TMEM132D: variants seen among roughly 807,000 people sequenced by gnomAD.
TMEM132D encodes the protein mature OL transmembrane protein.
TMEM132D carries 21 observed loss-of-function variants against 62.3 expected under a neutral mutation model. The ratio of observed to expected loss-of-function variants is 0.34; its 90% CI spans 0.24 to 0.49. The LOEUF (loss-of-function observed/expected upper bound fraction) is 0.49. Ranked by LOEUF, TMEM132D falls within the 20% of genes least tolerant of loss-of-function variation. TMEM132D has a pLI of 0.99. For missense variants in TMEM132D, 1,346 were observed against 1,402.8 expected (o/e 0.96, Z 0.65); for synonymous variants, 621 against 575.6 (o/e 1.08, Z -1.13).
chr12:129,792,020 G>A (rs1224521625), intron 1 of TMEM132D, among the ~76,000 whole-genome samples: 1 of 152,130 alleles, frequency 6.6e-6, no homozygotes, highest in Non-Finnish European at 1.5e-5. Context: ...GTTGTGAGGG[G>A]GCAAAGCTTT....
intron 2 of TMEM132D, among the ~76,000 whole-genome samples, chr12:129,626,087 T>TG (rs145936268): frequency 0.034 from 5,093 of 150,188 alleles, 283 homozygotes; most frequent in African/African-American, 0.12. Flanking sequence ...GGTGTTGAGC[T>TG]GGGAAAAAAA....
chr12:129,342,090 G>A (rs1869509059), intron 3 of TMEM132D, among the ~76,000 whole-genome samples: 1 of 152,082 alleles, frequency 6.6e-6, no homozygotes, highest in East Asian at 1.9e-4. Flanking sequence ...AAGTTCATAT[G>A]GAACCAAAAA....
chr12:129,432,848 G>A (rs562802313), intron 3 of TMEM132D, among the ~76,000 whole-genome samples: 1 of 152,144 alleles, frequency 6.6e-6, no homozygotes, highest in Non-Finnish European at 1.5e-5. Context: ...GTCAGTGCAA[G>A]GTGAACAATG....
Position 129,297,772 on chromosome 12 carries a change from C to T in TMEM132D, c.1299+39862G>A, listed in dbSNP as rs143779545. ...CGACCTCATCGCCCTGGTGCTTTAA[C>T]AAAGGTTGATTTCCTCGTCAGGCTG... On this transcript the variant is annotated intron_variant, in intron 4 of 8. Transcript: ENST00000422113. Among the ~76,000 whole-genome samples the T allele has an allele frequency of 3.9e-4, 59 of 152,268 alleles. No individual in the cohort carries two copies. In the East Asian group the frequency reaches 7.4e-3, roughly 19 times the overall value.
chr12:129,700,105 C>A lies in TMEM132D; in HGVS notation c.673G>T (p.Glu225Ter), dbSNP rs2137226084. Reference sequence around the variant, plus strand: ...CCTGGGTGCACGGTGTAGTAGAGCTCCACGGGGGTCCCCTCCGGCTGGTCC... The same window carrying A: ...CCTGGGTGCACGGTGTAGTAGAGCTACACGGGGGTCCCCTCCGGCTGGTCC... ...SVDQPEGTPVELYYTVHPGGE... is the reference protein window; with the variant it reads ...SVDQPEGTPV Residue 225 changes from glutamate (E) to a stop codon, truncating the protein, a stop_gained, in exon 2 of 9, where the codon GAG becomes TAG. Transcript: ENST00000422113. LOFTEE classifies it high-confidence loss of function. The A allele has an allele frequency of 6.2e-7, 1 of 1,613,474 alleles. No individual in the cohort carries two copies. Among genetic ancestry groups the A allele is most frequent in the Non-Finnish European group, 8.5e-7 (1 of 1,180,022 alleles).
chr12:129,405,444 C>T (rs546019230), intron 3 of TMEM132D, among the ~76,000 whole-genome samples: 1 of 152,242 alleles, frequency 6.6e-6, no homozygotes, highest in South Asian at 2.1e-4. Context: ...ACATTCAGCC[C>T]ATAACTATTA....
intron 5 of TMEM132D, among the ~76,000 whole-genome samples, chr12:129,191,115 C>T (rs1878388413): frequency 6.6e-6 from 1 of 152,176 alleles, no homozygotes; most frequent in African/African-American, 2.4e-5. Flanking sequence ...TACTTCCTGC[C>T]ACAGTGCCTG....
chr12:129,074,021 C>T lies in TMEM132D; in HGVS notation c.3154G>A (p.Ala1052Thr), dbSNP rs143281224. Residue 1052 changes from alanine to threonine, a missense_variant, in exon 9 of 9, where the codon GCC becomes ACC. Coordinates refer to ENST00000422113, the MANE Select transcript of TMEM132D (RefSeq NM_133448.3). Reference protein sequence around the residue: ...RKRVKFTTFTAVSSDDEYPTR... With the variant: ...RKRVKFTTFTTVSSDDEYPTR... ...GGGTACTCGTCGTCTGAGGAGACGG[C>T]GGTGAAGGTGGTAAATTTTACCCTT... 7.7e-4 allele frequency: 1,237 copies of T among 1,613,792 alleles called. 1 individual carries two copies. Among genetic ancestry groups the T allele is most frequent in the Non-Finnish European group, 9.9e-4 (1,169 of 1,179,926 alleles).
At chr12:129,873,148 C>T (rs1251474355) in intron 1 of TMEM132D, among the ~76,000 whole-genome samples, 2 of 152,056 alleles carry the variant, frequency 1.3e-5, no homozygotes, top group Non-Finnish European at 2.9e-5. Context: ...GAGGGGACAC[C>T]GTTTTGATTG....
chr12:129,798,961 GT>G (rs1474585205), intron 1 of TMEM132D, among the ~76,000 whole-genome samples: 1 of 152,216 alleles, frequency 6.6e-6, no homozygotes, highest in Non-Finnish European at 1.5e-5. Context: ...GACTGGAAGA[GT>G]TCACATAAAA....
At chr12:129,537,707 C>A (rs75348669) in intron 2 of TMEM132D, among the ~76,000 whole-genome samples, 5,854 of 152,176 alleles carry the variant, frequency 0.038, 364 homozygotes, top group African/African-American at 0.13. Context: ...GAGAACAGTT[C>A]GAGGAGACCA....
intron 5 of TMEM132D, among the ~76,000 whole-genome samples, chr12:129,092,233 T>C (rs1446815219): frequency 6.6e-6 from 1 of 152,278 alleles, no homozygotes; most frequent in African/African-American, 2.4e-5. Context: ...AAATGCTGTA[T>C]GAATTTAAAT....
chr12:129,639,451 A>G (rs1430715941), intron 2 of TMEM132D, among the ~76,000 whole-genome samples: 1 of 151,750 alleles, frequency 6.6e-6, no homozygotes, highest in Non-Finnish European at 1.5e-5. Context: ...CATGAACACA[A>G]TGTCCTTCTT....
At chr12:129,279,721 C>T (rs994754027) in intron 4 of TMEM132D, among the ~76,000 whole-genome samples, 4 of 152,134 alleles carry the variant, frequency 2.6e-5, no homozygotes, top group Admixed American at 2.6e-4. Context: ...TGAAAAAAAT[C>T]TTCCGTTCAT....
rs963908397 is a variant in TMEM132D at position 129,525,233 on chromosome 12, T to G, written c.1115+5826A>C. Among the ~76,000 whole-genome samples the G allele has an allele frequency of 5.3e-4, 68 of 129,180 alleles. 1 individual carries two copies. The highest frequency in any genetic ancestry group is 1.8e-3 in the African/African-American group (56 of 30,490). 84.7% of individuals were successfully genotyped at this position (129,180 alleles called of 152,430 possible). ...AGCCACGGTGCCCAGCCGGTTTTTT[T>G]TTTTTTTTTTTTTTTTTTTTTTGCT... On this transcript the variant is annotated intron_variant, in intron 3 of 8. Coordinates refer to ENST00000422113, the MANE Select transcript of TMEM132D (RefSeq NM_133448.3).
chr12:129,710,663 A>G (rs1335514555), intron 1 of TMEM132D, among the ~76,000 whole-genome samples: 1 of 152,218 alleles, frequency 6.6e-6, no homozygotes, highest in Non-Finnish European at 1.5e-5. Flanking sequence ...TTTTATTGCA[A>G]ACACTTAAGG....
At chr12:129,551,906 A>G (rs1016201685) in intron 2 of TMEM132D, among the ~76,000 whole-genome samples, 1 of 152,178 alleles carries the variant, frequency 6.6e-6, no homozygotes, top group African/African-American at 2.4e-5. Context: ...ACCCTCTGAT[A>G]TTTTGGTTGG....
chr12:129,844,586 T>C (rs1006692634), intron 1 of TMEM132D, among the ~76,000 whole-genome samples: 1 of 152,248 alleles, frequency 6.6e-6, no homozygotes, highest in African/African-American at 2.4e-5. Flanking sequence ...CTGGACTTTC[T>C]AAGCAAAGCC....
intron 4 of TMEM132D, among the ~76,000 whole-genome samples, chr12:129,272,214 G>T (rs189759411): frequency 1.3e-5 from 2 of 151,822 alleles, no homozygotes; most frequent in African/African-American, 2.4e-5. Context: ...CATGCCCTGG[G>T]CACTTGCTGG....
Sources: gnomAD v4.1 joint callset for allele counts (sites outside exome capture counted in the v4.1 genomes callset) on GRCh38, gnomAD v4.1.1 for gene constraint, MANE v1.5 for transcripts, NCBI Gene and HGNC (gene_info 2026-07-23, HGNC 2026-07-21) for gene names.